The following GRID2 variants were observed in gnomAD, a reference collection of about 807,000 sequenced individuals.
The protein encoded by GRID2 is glutamate receptor ionotropic, delta-2.
GRID2 carries 33 observed loss-of-function variants against 114.8 expected under a neutral mutation model. The ratio of observed to expected loss-of-function variants is 0.29; its 90% CI spans 0.22 to 0.38. The LOEUF (loss-of-function observed/expected upper bound fraction) is 0.38, where lower values mean the gene tolerates loss of function less well. GRID2 is among the 10% of genes least tolerant of loss of function. The probability of loss-of-function intolerance (pLI) is 1.00; values close to 1 mark genes in which losing one functional copy is unlikely to be tolerated. For missense variants in GRID2, 1,184 were observed against 1,257.7 expected (o/e 0.94, Z 0.89); for synonymous variants, 505 against 449.9 (o/e 1.12, Z -1.55).
At chr4:93,053,501 C>T (rs983722465) in intron 2 of GRID2, among the ~76,000 whole-genome samples, 6 of 151,858 alleles carry the variant, frequency 4.0e-5, no homozygotes, top group Non-Finnish European at 7.4e-5. Flanking sequence ...TTCTCTCCTT[C>T]GAAGGCACAG....
intron 2 of GRID2, among the ~76,000 whole-genome samples, chr4:92,900,936 C>CTGTGTGTG (rs67753622): frequency 1.3e-5 from 2 of 149,776 alleles, no homozygotes; most frequent in South Asian, 2.1e-4. Flanking sequence ...TAGTATTCGT[C>CTGTGTGTG]TGTGTGTGTG....
chr4:92,734,634 G>C (rs1736499480), intron 2 of GRID2, among the ~76,000 whole-genome samples: 1 of 151,816 alleles, frequency 6.6e-6, no homozygotes, highest in Non-Finnish European at 1.5e-5. Flanking sequence ...TGACATTCAT[G>C]AATACTGGAA....
Position 93,608,057 on chromosome 4 carries a change from T to C in GRID2, c.2194-18212T>C, listed in dbSNP as rs183449554. On this transcript the variant is annotated intron_variant, in intron 13 of 15. Coordinates refer to ENST00000282020, the MANE Select transcript of GRID2 (RefSeq NM_001510.4). ...GTCTAACTTTACATATATATATATA[T>C]ACGTATATAAGTATATATATGCATA... 4.4e-4 allele frequency among the ~76,000 whole-genome samples: 65 copies of C among 148,912 alleles called. 1 individual carries two copies. In the East Asian group the frequency reaches 8.6e-3, roughly 20 times the overall value.
At chr4:92,520,460 C>A (rs1724714309) in intron 1 of GRID2, among the ~76,000 whole-genome samples, 3 of 151,848 alleles carry the variant, frequency 2.0e-5, no homozygotes, top group Middle Eastern at 3.4e-3. Context: ...TTATAACTAC[C>A]TTCTTCCACT....
At chr4:92,802,947 CA>C (rs1427101631) in intron 2 of GRID2, among the ~76,000 whole-genome samples, 1 of 151,852 alleles carries the variant, frequency 6.6e-6, no homozygotes, top group East Asian at 1.9e-4. Flanking sequence ...ATGTGAATCC[CA>C]AAGAAAGTTC....
intron 1 of GRID2, among the ~76,000 whole-genome samples, chr4:92,329,293 C>T (rs935337772): frequency 1.3e-5 from 2 of 151,842 alleles, no homozygotes; most frequent in Non-Finnish European, 2.9e-5. Flanking sequence ...TTTTTAAGCC[C>T]TCTCTATTTA....
chr4:92,927,896 C>A (rs1749940951), intron 2 of GRID2, among the ~76,000 whole-genome samples: 1 of 151,518 alleles, frequency 6.6e-6, no homozygotes, highest in African/African-American at 2.4e-5. Context: ...TTATACTTAC[C>A]AGTTGAGGAT....
At chr4:92,889,214 G>A (rs1010646167) in intron 2 of GRID2, among the ~76,000 whole-genome samples, 1 of 152,046 alleles carries the variant, frequency 6.6e-6, no homozygotes, top group African/African-American at 2.4e-5. Context: ...CTTCTATTAC[G>A]TGAATCTCAG....
intron 13 of GRID2, among the ~76,000 whole-genome samples, chr4:93,554,910 G>A (rs1252408747): frequency 1.3e-5 from 2 of 152,124 alleles, no homozygotes; most frequent in Admixed American, 1.3e-4. Context: ...GAGGTACTCG[G>A]CTCATATCAT....
At chr4:92,913,301 T>A (rs1748524928) in intron 2 of GRID2, among the ~76,000 whole-genome samples, 1 of 151,870 alleles carries the variant, frequency 6.6e-6, no homozygotes, top group African/African-American at 2.4e-5. Flanking sequence ...ACCTTCCTAG[T>A]ATAAGGAGGG....
At chr4:93,331,673 A>T (rs1758476578) in intron 8 of GRID2, among the ~76,000 whole-genome samples, 2 of 152,152 alleles carry the variant, frequency 1.3e-5, no homozygotes, top group African/African-American at 2.4e-5. Context: ...GAATACATAC[A>T]CATATATAGG....
intron 2 of GRID2, among the ~76,000 whole-genome samples, chr4:92,815,268 TG>T (rs1740838510): frequency 6.6e-6 from 1 of 152,146 alleles, no homozygotes; most frequent in East Asian, 1.9e-4. Context: ...GTTACATAAG[TG>T]CACATTATTG....
At chr4:92,867,412 A>T (rs932331061) in intron 2 of GRID2, among the ~76,000 whole-genome samples, 23 of 152,054 alleles carry the variant, frequency 1.5e-4, no homozygotes, top group Admixed American at 7.9e-4. Flanking sequence ...CTGCTGCCAC[A>T]TCTAATGGCG....
At chr4:93,472,612 AGT>A (rs1245099246) in intron 11 of GRID2, among the ~76,000 whole-genome samples, 1 of 152,044 alleles carries the variant, frequency 6.6e-6, no homozygotes, top group Non-Finnish European at 1.5e-5. Context: ...GCTGGTAAAC[AGT>A]GTGAGGATCC....
At chr4:93,793,703 T>C (rs1418941333) in intron 1 of GRID2, among the ~76,000 whole-genome samples, 1 of 152,222 alleles carries the variant, frequency 6.6e-6, no homozygotes, top group Non-Finnish European at 1.5e-5. Context: ...CTTAGTACTT[T>C]TGTGAACAAC....
intron 2 of GRID2, among the ~76,000 whole-genome samples, chr4:92,976,772 G>A (rs1753905316): frequency 6.6e-6 from 1 of 152,158 alleles, no homozygotes; most frequent in Non-Finnish European, 1.5e-5. Context: ...CTTCAGCATA[G>A]CTGAGTGATT....
chr4:92,928,330 T>A (rs1201842612), intron 2 of GRID2, among the ~76,000 whole-genome samples: 2 of 151,732 alleles, frequency 1.3e-5, no homozygotes, highest in Non-Finnish European at 3.0e-5. Flanking sequence ...TAATTTTTAT[T>A]TAGAAAGATT....
chr4:93,341,897 T>A (rs1759693646), intron 8 of GRID2, among the ~76,000 whole-genome samples: 1 of 152,204 alleles, frequency 6.6e-6, no homozygotes, highest in Non-Finnish European at 1.5e-5. Context: ...CTTCTAAATA[T>A]ATTTTTGCAA....
intron 2 of GRID2, among the ~76,000 whole-genome samples, chr4:92,597,687 C>T (rs1021252120): frequency 1.4e-4 from 21 of 152,138 alleles, no homozygotes; most frequent in Non-Finnish European, 1.5e-5. Flanking sequence ...TCTTCTATGT[C>T]TGTATGTATG....
Sources: gnomAD v4.1 joint callset for allele counts (sites outside exome capture counted in the v4.1 genomes callset) on GRCh38, gnomAD v4.1.1 for gene constraint, MANE v1.5 for transcripts, NCBI Gene and HGNC (gene_info 2026-07-23, HGNC 2026-07-21) for gene names.